Variants in FLRT1 observed in about 807,000 individuals in gnomAD.
FLRT1 encodes fibronectin leucine rich transmembrane protein 1, also known as leucine-rich repeat transmembrane protein FLRT1.
Under a neutral mutation model 30.9 loss-of-function variants are expected in FLRT1, and 14 were observed. The ratio of observed to expected loss-of-function variants is 0.45; its 90% CI spans 0.30 to 0.71. The LOEUF (loss-of-function observed/expected upper bound fraction) is 0.71, where lower values mean the gene tolerates loss of function less well. FLRT1 is among the 30% of genes least tolerant of loss of function. FLRT1 has a pLI of 0.08. For synonymous variants in FLRT1, 368 were observed against 430.4 expected, an observed-to-expected ratio of 0.85 and a Z score of 1.80; for missense variants, 737 against 949.2, an observed-to-expected ratio of 0.78 and a Z score of 2.94.
At chr11:64,101,678 G>A (rs777964524) in intron 1 of FLRT1, among the ~76,000 whole-genome samples, 38 of 152,304 alleles carry the variant, frequency 2.5e-4, no homozygotes, top group Admixed American at 5.9e-4. Context: ...ATAAGGGCTC[G>A]TGCTAGAGCC....
At chr11:64,071,177 C>T (rs1428827863) in intron 1 of FLRT1, among the ~76,000 whole-genome samples, 3 of 152,052 alleles carry the variant, frequency 2.0e-5, no homozygotes, top group Admixed American at 2.0e-4. Context: ...CCTCTAAGGC[C>T]CCTGGTTTCC....
Position 64,090,281 on chromosome 11 carries a change from G to GCAA in FLRT1, c.-1037-12913_-1037-12912insCAA, listed in dbSNP as rs1565227774. Reference sequence around the variant, plus strand: ...CTCATCCTCGGGAAATGCATCGTGCGTTGCTTTTCCCGTCTGGGAGTCTAA... The same window carrying GCAA: ...CTCATCCTCGGGAAATGCATCGTGCGCAATTGCTTTTCCCGTCTGGGAGTCTAA... On this transcript the variant is annotated intron_variant, in intron 1 of 2. Transcript: ENST00000682287. This position sits in a 1 kb window ranked among gnomAD's most constrained non-coding sequence, Gnocchi z 4.7. Among the ~76,000 whole-genome samples the GCAA allele has an allele frequency of 6.6e-6, 1 of 152,178 alleles. No individual in the cohort carries two copies. Among genetic ancestry groups the GCAA allele is most frequent in the Non-Finnish European group, 1.5e-5 (1 of 68,028 alleles).
chr11:64,093,223 C>T (rs1944520901), intron 1 of FLRT1, among the ~76,000 whole-genome samples: 1 of 152,236 alleles, frequency 6.6e-6, no homozygotes, highest in African/African-American at 2.4e-5. Context: ...GCGGCCACTA[C>T]TGTTGTTAGT....
intron 1 of FLRT1, among the ~76,000 whole-genome samples, chr11:64,078,616 C>G (rs898388402): frequency 1.3e-5 from 2 of 152,160 alleles, no homozygotes; most frequent in Admixed American, 6.5e-5. Flanking sequence ...GATTGCCTGG[C>G]CCTCTCCTGA....
intron 1 of FLRT1, among the ~76,000 whole-genome samples, chr11:64,070,231 G>A (rs1944081139): frequency 6.6e-6 from 1 of 152,122 alleles, no homozygotes; most frequent in African/African-American, 2.4e-5. Context: ...ACCAAGTGGG[G>A]TGTCTGAGTC....
At chr11:64,089,939 C>T (rs934840928) in intron 1 of FLRT1, among the ~76,000 whole-genome samples, 8 of 152,176 alleles carry the variant, frequency 5.3e-5, no homozygotes, top group African/African-American at 1.7e-4. Flanking sequence ...GTTTGCCCCC[C>T]ACGCCCTGTA....
At chr11:64,051,020 G>T (rs1009745899) in intron 1 of FLRT1, among the ~76,000 whole-genome samples, 1 of 152,246 alleles carries the variant, frequency 6.6e-6, no homozygotes, top group Non-Finnish European at 1.5e-5. Context: ...CCTTGCCCAG[G>T]GGGACAGCCT....
chr11:64,045,768 T>A (rs896930107), intron 1 of FLRT1, among the ~76,000 whole-genome samples: 2 of 152,166 alleles, frequency 1.3e-5, no homozygotes, highest in Non-Finnish European at 2.9e-5. Context: ...TTCTGGGGGA[T>A]GAGAAGGAAT....
rs148302155 is a variant in FLRT1 at position 64,064,120 on chromosome 11, C to G, written c.-1038+27961C>G. On this transcript the variant is annotated intron_variant, in intron 1 of 2. Coordinates refer to ENST00000682287, the MANE Select transcript of FLRT1 (RefSeq NM_013280.5). The surrounding 1 kb of genome is among the most constrained non-coding windows in gnomAD (Gnocchi z 4.5). Reference sequence around the variant, plus strand: ...GCGCCCCCTATCTCTCCAAGCCCCTCGGTCTCTCCCACTCTCCCTTTCAGC... The same window carrying G: ...GCGCCCCCTATCTCTCCAAGCCCCTGGGTCTCTCCCACTCTCCCTTTCAGC... Among the ~76,000 whole-genome samples, 35 of 152,324 alleles carry G rather than the reference C, an allele frequency of 2.3e-4. No homozygotes were observed. The highest frequency in any genetic ancestry group is 4.4e-4 in the Non-Finnish European group (30 of 68,030).
chr11:64,060,567 C>A (rs142530023), intron 1 of FLRT1: 6 of 152,232 alleles, frequency 3.9e-5, no homozygotes, highest in African/African-American at 1.4e-4. Flanking sequence ...CCTGGAGATA[C>A]GCTGGGCAGT....
chr11:64,070,060 C>G (rs972072791), intron 1 of FLRT1, among the ~76,000 whole-genome samples: 10 of 152,168 alleles, frequency 6.6e-5, no homozygotes, highest in African/African-American at 2.2e-4. Flanking sequence ...TAAGCACTCC[C>G]TGCAGCCTCT....
chr11:64,071,752 G>A (rs1394844536), intron 1 of FLRT1, among the ~76,000 whole-genome samples: 1 of 152,214 alleles, frequency 6.6e-6, no homozygotes, highest in Non-Finnish European at 1.5e-5. Context: ...CAGATGGCAG[G>A]AGACTGGCCT....
rs1013161957 is a variant in FLRT1, at chr11:64,064,243, G to T, written c.-1038+28084G>T. Reference sequence around the variant, plus strand: ...AAAAATCCCAAACTGCACAGCCTAGGGTTGGGGACAAAAAGCAACCAAGCC... The same window carrying T: ...AAAAATCCCAAACTGCACAGCCTAGTGTTGGGGACAAAAAGCAACCAAGCC... On this transcript the variant is annotated intron_variant, in intron 1 of 2. Transcript: ENST00000682287. This position sits in a 1 kb window ranked among gnomAD's most constrained non-coding sequence, Gnocchi z 4.5. Among the ~76,000 whole-genome samples, 1 of 152,202 alleles carries T rather than the reference G, an allele frequency of 6.6e-6. No homozygotes were observed. The highest frequency in any genetic ancestry group is 1.5e-5 in the Non-Finnish European group (1 of 68,038).
Position 64,114,298 on chromosome 11 carries a change from G to T in FLRT1, c.-49-1921G>T, listed in dbSNP as rs61724920. Reference sequence around the variant, plus strand: ...TGGATGGATGGACAGGTGGATGCATGGATTGATACATGGATGACGGATGGA... The same window carrying T: ...TGGATGGATGGACAGGTGGATGCATTGATTGATACATGGATGACGGATGGA... On this transcript the variant is annotated intron_variant, in intron 2 of 2. Transcript: ENST00000682287. Among the ~76,000 whole-genome samples, 489 of 150,890 alleles carry T rather than the reference G, an allele frequency of 3.2e-3. 2 individuals are homozygous for T. The highest frequency in any genetic ancestry group is 0.016 in the East Asian group (82 of 5,028).
At chr11:64,079,756 T>TGG (rs1944272245) in intron 1 of FLRT1, among the ~76,000 whole-genome samples, 2 of 150,388 alleles carry the variant, frequency 1.3e-5, no homozygotes, top group Admixed American at 1.3e-4. Context: ...AAATGTGGAG[T>TGG]GGAGGTAAGG....
intron 1 of FLRT1, among the ~76,000 whole-genome samples, chr11:64,056,843 C>T (rs572760939): frequency 1.3e-5 from 2 of 151,990 alleles, no homozygotes; most frequent in Non-Finnish European, 2.9e-5. Context: ...ATGACCTCCA[C>T]TCTGCCTTCT....
At chr11:64,100,259 G>A (rs1224262060) in intron 1 of FLRT1, among the ~76,000 whole-genome samples, 1 of 152,174 alleles carries the variant, frequency 6.6e-6, no homozygotes, top group Non-Finnish European at 1.5e-5. Flanking sequence ...CGCAGAGGGT[G>A]GTGCAGAGAT....
At chr11:64,047,116 T>C (rs1590835112) in intron 1 of FLRT1, among the ~76,000 whole-genome samples, 1 of 151,282 alleles carries the variant, frequency 6.6e-6, no homozygotes, top group African/African-American at 2.4e-5. Context: ...CCACCCTCAC[T>C]CCCCGACATT....
At chr11:64,105,541 A>G (rs1944746384) in intron 2 of FLRT1, among the ~76,000 whole-genome samples, 1 of 152,118 alleles carries the variant, frequency 6.6e-6, no homozygotes, top group Non-Finnish European at 1.5e-5. Context: ...GGCCAGCTGG[A>G]GAGAGCATTC....
Sources: gnomAD v4.1 joint callset for allele counts (sites outside exome capture counted in the v4.1 genomes callset) on GRCh38, gnomAD v4.1.1 for gene constraint, Gnocchi (gnomAD v3.1) non-coding constraint, MANE v1.5 for transcripts, NCBI Gene and HGNC (gene_info 2026-07-23, HGNC 2026-07-21) for gene names.